Variants in KLK4 observed in about 807,000 individuals in gnomAD.
KLK4 encodes kallikrein related peptidase 4, also known as kallikrein-4.
Under a neutral mutation model 24.3 loss-of-function variants are expected in KLK4, and 24 were observed. The observed-to-expected ratio is 0.99, with a 90% confidence interval of 0.72 to 1.39. The LOEUF (loss-of-function observed/expected upper bound fraction) is 1.39. KLK4 is among the 40% of genes most tolerant of loss of function. KLK4 has a pLI of 0.00. For missense variants in KLK4, 344 were observed against 327.4 expected, an observed-to-expected ratio of 1.05 and a Z score of -0.39; for synonymous variants, 142 against 138.8, an observed-to-expected ratio of 1.02 and a Z score of -0.16.
chr19:50,911,296 T>G (rs984350469), intron 1 of KLK4, among the ~76,000 whole-genome samples, 43 bp downstream of exon 1: 1 of 152,198 alleles, frequency 6.6e-6, no homozygotes, highest in Admixed American at 6.5e-5. Flanking sequence ...AGTTGGATCA[T>G]GAACACTGCA....
chr19:50,908,308 C>G lies in KLK4; in HGVS notation c.612+51G>C, dbSNP rs754299834. 3.7e-6 allele frequency: 6 copies of G among 1,605,270 alleles called. 1 individual carries two copies. The South Asian group carries it at 4.4e-5, about 12-fold the overall frequency. ...GCGGCCCTGTGTGTCTCTGTCTCCC[C>G]CTTCTCCACCCTTCCCTGAGTCGCC... On this transcript the variant is annotated intron_variant, in intron 5 of 5. Transcript: ENST00000324041.
chr19:50,909,901 C>T (rs1486182276), intron 2 of KLK4, among the ~76,000 whole-genome samples: 1 of 151,634 alleles, frequency 6.6e-6, no homozygotes, highest in Admixed American at 6.6e-5. Context: ...CGCAGGGGCG[C>T]CATCAAGGCT....
exon 6 of KLK4, chr19:50,907,076 C>G: frequency 6.2e-7 from 1 of 1,614,068 alleles, no homozygotes. Context: ...CAGGGGCCCC[C>G]CAGAGTCACC....
At chr19:50,909,511 A>G (rs2090467116) in intron 2 of KLK4, 97 bp from the exon 3 acceptor site, 1 of 1,336,342 alleles carries the variant, frequency 7.5e-7, no homozygotes, top group African/African-American at 1.5e-5. Context: ...GAGGTTCAGG[A>G]GCAGTCAGGG....
intron 5 of KLK4, 128 bp downstream of exon 5, chr19:50,908,231 C>G (rs1021568276): frequency 2.7e-6 from 3 of 1,100,702 alleles, no homozygotes; most frequent in Non-Finnish European, 4.1e-6. Context: ...CAGTTTCTCT[C>G]TCTAGTTGTC....
Position 50,910,597 on chromosome 19 carries a change from G to C in KLK4, c.61+81C>G. ...CAGGCAGCTTTGCAGTCACAAGCAA[G>C]AGGACACTGAGTCACACCTGAACAT... On this transcript the variant is annotated intron_variant, in intron 2 of 5. Coordinates refer to ENST00000324041, the Ensembl canonical transcript of KLK4. The surrounding 1 kb of genome is among the most constrained non-coding windows in gnomAD (Gnocchi z 4.4). 7.6e-7 allele frequency: 1 copy of C among 1,320,914 alleles called. No homozygotes were observed. Among genetic ancestry groups the C allele is most frequent in the South Asian group, 1.3e-5 (1 of 79,374 alleles). The allele number at this position is 1,320,914 out of a possible 1,614,324, so 81.8% of individuals were successfully genotyped here.
intron 5 of KLK4, 31 bp downstream of exon 5, chr19:50,908,328 G>A (rs2090451658): frequency 2.5e-6 from 4 of 1,609,624 alleles, no homozygotes; most frequent in Non-Finnish European, 3.4e-6. Flanking sequence ...CCTTCCCTGA[G>A]TCGCCTGCCC....
exon 6 of KLK4, chr19:50,906,496 G>A (rs2090430451): frequency 3.3e-6 from 1 of 299,424 alleles, no homozygotes; most frequent in South Asian, 3.7e-5. Flanking sequence ...GTCTGAGGGA[G>A]GAGGGGCTGG....
At chr19:50,908,653 C>T (rs756151731) in exon 4 of KLK4, 42 of 1,614,136 alleles carry the variant, frequency 2.6e-5, no homozygotes, top group African/African-American at 6.7e-5. Context: ...AATGCTGATG[C>T]TCCGGATGGT....
chr19:50,911,100 A>G (rs2090484786), intron 1 of KLK4, among the ~76,000 whole-genome samples: 1 of 152,210 alleles, frequency 6.6e-6, no homozygotes, highest in Non-Finnish European at 1.5e-5. Flanking sequence ...GGAGAGACAG[A>G]GTGCTTGAGA....
intron 5 of KLK4, among the ~76,000 whole-genome samples, chr19:50,907,713 A>G (rs1357207580): frequency 6.6e-6 from 1 of 152,120 alleles, no homozygotes; most frequent in Non-Finnish European, 1.5e-5. Flanking sequence ...GCCTCTTTGT[A>G]GAGTCTTGAT....
At chr19:50,907,245 C>T (rs1020444943) in intron 5 of KLK4, among the ~76,000 whole-genome samples, 159 bp from the exon 6 acceptor site, 1 of 152,186 alleles carries the variant, frequency 6.6e-6, no homozygotes, top group African/African-American at 2.4e-5. Context: ...CATTCCAGAT[C>T]CCTGACTTCA....
In KLK4 at chr19:50,908,601, A is replaced by AT; in HGVS notation, c.452_453insA (p.Gly152TrpfsTer24). On this transcript the variant is annotated frameshift_variant, in exon 4 of 6. Coordinates refer to ENST00000324041, the Ensembl canonical transcript of KLK4. LOFTEE classifies it high-confidence loss of function. ...CACCGTTCGCCAGCAGACCCCAGCC[A>AT]GAAACGAGGCAAGAGTTCCCCGCGG... The AT allele has an allele frequency of 6.2e-7, 1 of 1,614,216 alleles. No homozygotes were observed. Among genetic ancestry groups the AT allele is most frequent in the South Asian group, 1.1e-5 (1 of 91,084 alleles).
Position 50,910,594 on chromosome 19 carries a change from C to A in KLK4, c.61+84G>T. On this transcript the variant is annotated intron_variant, in intron 2 of 5. Transcript: ENST00000324041. The surrounding 1 kb of genome is among the most constrained non-coding windows in gnomAD (Gnocchi z 4.4). ...TCACAGGCAGCTTTGCAGTCACAAG[C>A]AAGAGGACACTGAGTCACACCTGAA... 3.8e-6 allele frequency: 5 copies of A among 1,306,216 alleles called. No homozygotes were observed. Among genetic ancestry groups the A allele is most frequent in the Non-Finnish European group, 5.4e-6 (5 of 923,708 alleles). The allele number at this position is 1,306,216 out of a possible 1,614,324, so 80.9% of individuals were successfully genotyped here. A position where few individuals can be genotyped will look rare whatever the true frequency, so the allele number is the denominator to read the frequency against.
In KLK4 at chr19:50,909,504, G is replaced by T. The variant is rs539267765; in HGVS notation, c.62-90C>A. On this transcript the variant is annotated intron_variant, in intron 2 of 5. Transcript: ENST00000324041. Reference sequence around the variant, plus strand: ...TTACCGAGCAGGGGCGTGGTCAGAGGTTCAGGAGCAGTCAGGGCTCCTCGG... The same window carrying T: ...TTACCGAGCAGGGGCGTGGTCAGAGTTTCAGGAGCAGTCAGGGCTCCTCGG... The T allele has an allele frequency of 3.4e-4, 469 of 1,385,672 alleles. No homozygotes were observed. In the East Asian group the frequency reaches 5.3e-3, roughly 16 times the overall value. 85.8% of individuals were successfully genotyped at this position (1,385,672 alleles called of 1,614,324 possible).
At position 50,910,214 on chromosome 19, in the gene KLK4, G is replaced by A. The variant is rs2090475888; in HGVS notation, c.61+464C>T. ...GTCACTCCTATCCTCTCCCAGCCTT[G>A]CCCACAGTCACACCAAGCCACAAGC... On this transcript the variant is annotated intron_variant, in intron 2 of 5. Coordinates refer to ENST00000324041, the Ensembl canonical transcript of KLK4. The surrounding 1 kb of genome is among the most constrained non-coding windows in gnomAD (Gnocchi z 4.4). 6.6e-6 allele frequency among the ~76,000 whole-genome samples: 1 copy of A among 151,988 alleles called. No homozygotes were observed. Among genetic ancestry groups the A allele is most frequent in the South Asian group, 2.1e-4 (1 of 4,812 alleles).
At chr19:50,908,921 C>A in intron 3 of KLK4, 92 bp from the exon 4 acceptor site, 9 of 1,563,830 alleles carry the variant, frequency 5.8e-6, no homozygotes, top group Non-Finnish European at 6.9e-6. Flanking sequence ...CATCTCCTAA[C>A]CCCAACCCCA....
chr19:50,908,624 C>A lies in KLK4; in HGVS notation c.430G>T (p.Ala144Ser), dbSNP rs530069905. Residue 144 changes from alanine (A) to serine (S), a missense_variant, in exon 4 of 6, where the codon GCG becomes TCG. By Grantham distance (99) the Ala-to-Ser change is moderately conservative. Transcript: ENST00000324041. ...CCAGAAACGAGGCAAGAGTTCCCCG[C>A]GGTAGGGCACTGCGAAGCAATGCTG... 1.5e-4 allele frequency: 235 copies of A among 1,614,202 alleles called. No homozygotes were observed. In the South Asian group the frequency reaches 2.4e-3, roughly 17 times the overall value.
Position 50,910,780 on chromosome 19 carries a change from C to T in KLK4, c.-11-31G>A. 6.5e-7 allele frequency: 1 copy of T among 1,529,932 alleles called. No individual in the cohort carries two copies. The highest frequency in any genetic ancestry group is 1.2e-5 in the South Asian group (1 of 83,616). The allele number at this position is 1,529,932 out of a possible 1,614,324, so 94.8% of individuals were successfully genotyped here. A position where few individuals can be genotyped will look rare whatever the true frequency, so the allele number is the denominator to read the frequency against. On this transcript the variant is annotated intron_variant, in intron 1 of 5. Coordinates refer to ENST00000324041, the Ensembl canonical transcript of KLK4. The surrounding 1 kb of genome is among the most constrained non-coding windows in gnomAD (Gnocchi z 4.4). ...GATGAGGACTGAGACTTAGCCGTGT[C>T]TGGGGATCTTCAGCCCAAGTCTCTC...
Sources: gnomAD v4.1 joint callset for allele counts (sites outside exome capture counted in the v4.1 genomes callset) on GRCh38, gnomAD v4.1.1 for gene constraint, Gnocchi (gnomAD v3.1) non-coding constraint, MANE v1.5 for transcripts, NCBI Gene and HGNC (gene_info 2026-07-23, HGNC 2026-07-21) for gene names.